The following TCF7L1 variants were observed in gnomAD, a reference collection of about 807,000 sequenced individuals.
TCF7L1 encodes transcription factor 7 like 1, also known as transcription factor 7-like 1.
In TCF7L1, 18 loss-of-function variants were observed where a neutral mutation model predicts 63.7. The ratio of observed to expected loss-of-function variants is 0.28; its 90% CI spans 0.20 to 0.42. The LOEUF is 0.42. TCF7L1 is among the 10% of genes least tolerant of loss of function. The pLI is 1.00. For synonymous variants in TCF7L1, 355 were observed against 340.9 expected (o/e 1.04, Z -0.46); for missense variants, 654 against 779.3 (o/e 0.84, Z 1.91).
chr2:85,283,043 C>T (rs1399771727), intron 3 of TCF7L1, among the ~76,000 whole-genome samples: 1 of 151,946 alleles, frequency 6.6e-6, no homozygotes, highest in Non-Finnish European at 1.5e-5. Context: ...ATGGCTGTTT[C>T]GTAGGGAGCA....
chr2:85,177,925 A>G (rs1423608827), intron 3 of TCF7L1, among the ~76,000 whole-genome samples: 1 of 152,190 alleles, frequency 6.6e-6, no homozygotes, highest in Non-Finnish European at 1.5e-5. Flanking sequence ...TGAAGACGAC[A>G]GAACACAGAT....
In TCF7L1 at chr2:85,304,269, T is replaced by G. The variant is rs1230760279; in HGVS notation, c.776T>G (p.Met259Arg). Reference protein sequence around the residue: ...GWLVPQQGQPMYSLPPGGFRH... With the variant: ...GWLVPQQGQPRYSLPPGGFRH... ...CCCCCTCACAGGCAAGGCCAGCCCATGTACTCCCTTCCTCCCGGTGGCTTC... is the reference window on the plus strand; with the variant it reads ...CCCCCTCACAGGCAAGGCCAGCCCAGGTACTCCCTTCCTCCCGGTGGCTTC... Residue 259 changes from methionine (M) to arginine (R), a missense_variant, in exon 7 of 12, where the codon ATG (methionine) becomes AGG (arginine). By Grantham distance (91) the Met-to-Arg change is moderately conservative. Transcript: ENST00000282111. 6.2e-7 allele frequency: 1 copy of G among 1,613,968 alleles called. No homozygotes were observed. Among genetic ancestry groups the G allele is most frequent in the Non-Finnish European group, 8.5e-7 (1 of 1,179,940 alleles).
At chr2:85,253,846 A>G (rs991803642) in intron 3 of TCF7L1, among the ~76,000 whole-genome samples, 1 of 152,254 alleles carries the variant, frequency 6.6e-6, no homozygotes, top group Non-Finnish European at 1.5e-5. Context: ...TGAGGCTCAG[A>G]AAGATTAACT....
chr2:85,303,696 T>G (rs1682037699), intron 5 of TCF7L1, 199 bp from the exon 6 acceptor site: 1 of 461,242 alleles, frequency 2.2e-6, no homozygotes, highest in Non-Finnish European at 3.9e-6. Flanking sequence ...GGGGGTGCAT[T>G]AGTCCTGCCT....
At chr2:85,257,078 G>C (rs1680736050) in intron 3 of TCF7L1, among the ~76,000 whole-genome samples, 1 of 152,016 alleles carries the variant, frequency 6.6e-6, no homozygotes, top group Admixed American at 6.6e-5. Flanking sequence ...GCTGGCTGTA[G>C]TGGCACATGC....
intron 3 of TCF7L1, among the ~76,000 whole-genome samples, chr2:85,137,634 T>C (rs1283161097): frequency 6.6e-6 from 1 of 152,242 alleles, no homozygotes; most frequent in East Asian, 1.9e-4. Flanking sequence ...GGCTTAGGCC[T>C]GTAATCCCAG....
intron 3 of TCF7L1, among the ~76,000 whole-genome samples, chr2:85,211,807 C>T (rs954761859): frequency 2.6e-5 from 4 of 152,102 alleles, no homozygotes; most frequent in Non-Finnish European, 5.9e-5. Context: ...TCCAGACTTT[C>T]GGCCAGGAAT....
chr2:85,166,043 A>C (rs1678409804), intron 3 of TCF7L1, among the ~76,000 whole-genome samples: 1 of 152,236 alleles, frequency 6.6e-6, no homozygotes, highest in Admixed American at 6.5e-5. Context: ...AACTTATTTT[A>C]AAACTTGATC....
intron 3 of TCF7L1, among the ~76,000 whole-genome samples, chr2:85,141,406 A>G (rs1208262007): frequency 6.6e-6 from 1 of 152,180 alleles, no homozygotes; most frequent in Non-Finnish European, 1.5e-5. Context: ...GCCAAGCTGC[A>G]GACTGATCTC....
At position 85,167,681 on chromosome 2, in the gene TCF7L1, C is replaced by G. The variant is rs74694493; in HGVS notation, c.441+33231C>G. On this transcript the variant is annotated intron_variant, in intron 3 of 11. Transcript: ENST00000282111. The stretch of plus-strand genomic sequence containing the variant: ...AAGTTCGAGACCAGCCTGGCCAACA[C>G]AGTGAGACCCCGTGTCTAAGAAAAA... 1.4e-3 allele frequency among the ~76,000 whole-genome samples: 213 copies of G among 152,202 alleles called. 2 individuals carry two copies. The highest frequency in any genetic ancestry group is 5.0e-3 in the African/African-American group (209 of 41,508).
At chr2:85,276,287 G>A (rs1681266927) in intron 3 of TCF7L1, among the ~76,000 whole-genome samples, 1 of 152,204 alleles carries the variant, frequency 6.6e-6, no homozygotes, top group African/African-American at 2.4e-5. Flanking sequence ...GATAGAAACA[G>A]GTCTCCAAGA....
intron 8 of TCF7L1, among the ~76,000 whole-genome samples, chr2:85,305,839 G>C (rs1208989603): frequency 6.6e-6 from 1 of 152,112 alleles, no homozygotes; most frequent in Non-Finnish European, 1.5e-5. Flanking sequence ...AGTGCTCCCT[G>C]GAGATCCCAA....
At chr2:85,230,451 A>G (rs1680052074) in intron 3 of TCF7L1, among the ~76,000 whole-genome samples, 1 of 152,098 alleles carries the variant, frequency 6.6e-6, no homozygotes, top group South Asian at 2.1e-4. Flanking sequence ...TTCATGCCTC[A>G]GCCTCCCAAG....
chr2:85,265,235 G>A (rs1318795934), intron 3 of TCF7L1, among the ~76,000 whole-genome samples: 1 of 152,032 alleles, frequency 6.6e-6, no homozygotes, highest in Non-Finnish European at 1.5e-5. Flanking sequence ...GTTATGGAGG[G>A]GTAGGTGTGA....
chr2:85,287,372 A>G (rs950895442), intron 4 of TCF7L1, among the ~76,000 whole-genome samples: 11 of 152,126 alleles, frequency 7.2e-5, no homozygotes, highest in African/African-American at 2.2e-4. Context: ...ATTCCTCTCA[A>G]TGTTTGTGAC....
intron 3 of TCF7L1, among the ~76,000 whole-genome samples, chr2:85,168,871 T>G (rs1193063277): frequency 6.6e-6 from 1 of 152,212 alleles, no homozygotes; most frequent in Non-Finnish European, 1.5e-5. Flanking sequence ...TCCACCCACC[T>G]CGGCCTCCCA....
chr2:85,257,875 C>A (rs1169046362), intron 3 of TCF7L1, among the ~76,000 whole-genome samples: 1 of 152,194 alleles, frequency 6.6e-6, no homozygotes, highest in East Asian at 1.9e-4. Context: ...ATGGTTCCTT[C>A]CGGCTCTTGA....
At chr2:85,278,106 A>G (rs1453756819) in intron 3 of TCF7L1, among the ~76,000 whole-genome samples, 1 of 152,188 alleles carries the variant, frequency 6.6e-6, no homozygotes, top group Non-Finnish European at 1.5e-5. Context: ...CATGGCTCCA[A>G]TCAAAGCAAG....
At chr2:85,241,435 TTG>T (rs1197994070) in intron 3 of TCF7L1, among the ~76,000 whole-genome samples, 14 of 115,062 alleles carry the variant, frequency 1.2e-4, no homozygotes, top group South Asian at 6.7e-4. Flanking sequence ...CACTTTGTTT[TTG>T]TTTTTTTTTT....
Sources: gnomAD v4.1 joint callset for allele counts (sites outside exome capture counted in the v4.1 genomes callset) on GRCh38, gnomAD v4.1.1 for gene constraint, MANE v1.5 for transcripts, NCBI Gene and HGNC (gene_info 2026-07-23, HGNC 2026-07-21) for gene names.